Variants in ADAMTS12 observed in about 807,000 individuals in gnomAD.
ADAMTS12 encodes A disintegrin and metalloproteinase with thrombospondin motifs 12.
Under a neutral mutation model 167.8 loss-of-function variants are expected in ADAMTS12, and 118 were observed. The observed-to-expected ratio is 0.70, with a 90% CI of 0.61 to 0.82. The LOEUF is 0.82. Ranked by LOEUF, ADAMTS12 falls within the 40% of genes least tolerant of loss-of-function variation. ADAMTS12 has a pLI of 0.00. For synonymous variants in ADAMTS12, 704 were observed against 716.9 expected (o/e 0.98, Z 0.29); for missense variants, 1,916 against 1,998.8 (o/e 0.96, Z 0.79).
chr5:33,729,394 T>G (rs1005655579), intron 3 of ADAMTS12, among the ~76,000 whole-genome samples: 1 of 152,230 alleles, frequency 6.6e-6, no homozygotes, highest in African/African-American at 2.4e-5. Context: ...GATTACAAGT[T>G]AGTTGGCTGC....
chr5:33,811,212 C>G (rs181670629), intron 2 of ADAMTS12, among the ~76,000 whole-genome samples: 1 of 152,190 alleles, frequency 6.6e-6, no homozygotes, highest in Non-Finnish European at 1.5e-5. Flanking sequence ...ACTTTGTCAC[C>G]AGGATGATCA....
intron 3 of ADAMTS12, among the ~76,000 whole-genome samples, chr5:33,704,913 C>T (rs574217330): frequency 1.3e-5 from 2 of 152,148 alleles, no homozygotes; most frequent in South Asian, 4.2e-4. Flanking sequence ...ATTTCCCAGT[C>T]CAATGTTTAG....
chr5:33,688,701 T>C (rs1480459561), intron 3 of ADAMTS12, among the ~76,000 whole-genome samples: 1 of 152,162 alleles, frequency 6.6e-6, no homozygotes, highest in Non-Finnish European at 1.5e-5. Context: ...AAATTACAGT[T>C]TCCAGTACAT....
chr5:33,751,195 A>T (rs918110674), intron 3 of ADAMTS12: 2 of 590,768 alleles, frequency 3.4e-6, no homozygotes, highest in Non-Finnish European at 5.8e-6. Context: ...AGACTCGAGT[A>T]TTGACAAGTG....
intron 2 of ADAMTS12, among the ~76,000 whole-genome samples, chr5:33,843,298 C>G (rs1210367653): frequency 6.6e-6 from 1 of 152,146 alleles, no homozygotes; most frequent in East Asian, 1.9e-4. Flanking sequence ...GAAAGAGGCA[C>G]AGTGCTAGGT....
intron 2 of ADAMTS12, among the ~76,000 whole-genome samples, chr5:33,761,273 G>C (rs1320856825): frequency 6.6e-6 from 1 of 152,222 alleles, no homozygotes; most frequent in East Asian, 1.9e-4. Context: ...TGATAGGCAA[G>C]GATCCCTGAT....
chr5:33,741,713 C>T (rs1348840460), intron 3 of ADAMTS12, among the ~76,000 whole-genome samples: 4 of 151,988 alleles, frequency 2.6e-5, no homozygotes, highest in African/African-American at 9.7e-5. Context: ...CTGCAACCTC[C>T]GCCTCCCGGG....
chr5:33,879,166 A>G (rs1425398382), intron 2 of ADAMTS12, among the ~76,000 whole-genome samples: 1 of 152,206 alleles, frequency 6.6e-6, no homozygotes, highest in Non-Finnish European at 1.5e-5. Context: ...AACCGTATAT[A>G]TGTGAATTAT....
intron 3 of ADAMTS12, among the ~76,000 whole-genome samples, chr5:33,744,595 A>G (rs965867922): frequency 6.6e-6 from 1 of 152,218 alleles, no homozygotes; most frequent in African/African-American, 2.4e-5. Flanking sequence ...GGCTGCTGCA[A>G]TCATCCAAGT....
rs1249389918 is a variant in ADAMTS12, at chr5:33,576,718, T to C, written c.3308A>G (p.Glu1103Gly). The change falls in exon 19 of 24, where the codon GAG becomes GGG. Residue 1103 changes from glutamate to glycine, a missense_variant. Coordinates refer to ENST00000504830, the MANE Select transcript of ADAMTS12 (RefSeq NM_030955.4). ...AGTATCTGAACTGGAAACATTTTCC[T>C]CACTTGGCTGAATGCTCAAGGATTG... ...TSQSLSIQPS[E>G]ENVSSSDTGP... The C allele has an allele frequency of 6.2e-7, 1 of 1,614,220 alleles. No individual in the cohort carries two copies.
chr5:33,660,379 T>C (rs1011903358), intron 6 of ADAMTS12, among the ~76,000 whole-genome samples: 6 of 152,208 alleles, frequency 3.9e-5, no homozygotes, highest in African/African-American at 1.4e-4. Context: ...ATGTAAAATA[T>C]GAATGATTAA....
At chr5:33,833,909 A>G (rs1332003628) in intron 2 of ADAMTS12, among the ~76,000 whole-genome samples, 1 of 152,250 alleles carries the variant, frequency 6.6e-6, no homozygotes, top group African/African-American at 2.4e-5. Flanking sequence ...TTAGTTTGCT[A>G]GCACTGTCAT....
At chr5:33,714,052 T>A (rs1273558818) in intron 3 of ADAMTS12, among the ~76,000 whole-genome samples, 1 of 152,106 alleles carries the variant, frequency 6.6e-6, no homozygotes, top group East Asian at 1.9e-4. Context: ...TATTTGAAAG[T>A]CTGGACAATT....
intron 14 of ADAMTS12, among the ~76,000 whole-genome samples, chr5:33,623,136 T>G (rs971817559): frequency 6.6e-6 from 1 of 152,160 alleles, no homozygotes; most frequent in African/African-American, 2.4e-5. Flanking sequence ...GTAGGAAGCA[T>G]GTTTAGAAGA....
Position 33,616,027 on chromosome 5 carries a change from C to A in ADAMTS12, c.2189G>T (p.Arg730Ile). ...TCCAGCTCCCTCAATTTCCATCACT[C>A]TTATGTCCCTTGCTCCTTTTGGAAT... ...GLIPKGARDI[R>I]VMEIEGAGNF... is the part of the protein sequence containing the mutation. Residue 730 changes from arginine to isoleucine, a missense_variant, in exon 15 of 24, where the codon AGA (arginine) becomes ATA (isoleucine). By Grantham distance (97) the Arg-to-Ile change is moderately conservative. Transcript: ENST00000504830. The A allele has an allele frequency of 6.2e-7, 1 of 1,614,192 alleles. No homozygotes were observed. The highest frequency in any genetic ancestry group is 1.1e-5 in the South Asian group (1 of 91,082).
At chr5:33,587,520 T>C (rs754739438) in intron 18 of ADAMTS12, among the ~76,000 whole-genome samples, 8 of 152,222 alleles carry the variant, frequency 5.3e-5, no homozygotes, top group Non-Finnish European at 1.2e-4. Context: ...AGTGGCATGA[T>C]ATCAGCTCAC....
intron 3 of ADAMTS12, among the ~76,000 whole-genome samples, chr5:33,705,335 G>A (rs80155533): frequency 0.013 from 1,948 of 151,150 alleles, 44 homozygotes; most frequent in African/African-American, 0.045. Flanking sequence ...ATGGGCACTT[G>A]GGCTGGTTCC....
intron 14 of ADAMTS12, among the ~76,000 whole-genome samples, chr5:33,621,399 CA>C (rs202182365): frequency 0.3 from 24,496 of 82,190 alleles, 1,679 homozygotes; most frequent in African/African-American, 0.4. Context: ...GACTCCATCT[CA>C]AAAAAAAAAA....
At chr5:33,708,550 T>C (rs1415711684) in intron 3 of ADAMTS12, among the ~76,000 whole-genome samples, 1 of 152,174 alleles carries the variant, frequency 6.6e-6, no homozygotes, top group Non-Finnish European at 1.5e-5. Flanking sequence ...CCAACCCAAG[T>C]GCCTATCAAT....
Sources: gnomAD v4.1 joint callset for allele counts (sites outside exome capture counted in the v4.1 genomes callset) on GRCh38, gnomAD v4.1.1 for gene constraint, MANE v1.5 for transcripts, NCBI Gene and HGNC (gene_info 2026-07-23, HGNC 2026-07-21) for gene names.